The following LRIG1 variants were observed in gnomAD, a reference collection of about 807,000 sequenced individuals.
The protein encoded by LRIG1 is leucine rich repeats and immunoglobulin like domains 1.
A neutral mutation model predicts 99.2 loss-of-function variants in LRIG1; 48 were observed. The ratio of observed to expected loss-of-function variants is 0.48; its 90% CI spans 0.38 to 0.62. LRIG1 has a LOEUF of 0.62. Ranked by LOEUF, LRIG1 falls within the 20% of genes least tolerant of loss-of-function variation. LRIG1 has a pLI of 0.00. For synonymous variants in LRIG1, 772 were observed against 596.1 expected, an observed-to-expected ratio of 1.29 and a Z score of -4.30; for missense variants, 1,646 against 1,434.4, an observed-to-expected ratio of 1.15 and a Z score of -2.38.
chr3:66,479,565 T>A (rs924695783), intron 1 of LRIG1, among the ~76,000 whole-genome samples: 3 of 152,160 alleles, frequency 2.0e-5, no homozygotes, highest in African/African-American at 7.2e-5. Context: ...AATTGTACTT[T>A]CTAAACATGC....
At chr3:66,398,089 A>C (rs368151841) in intron 11 of LRIG1, 23 bp downstream of exon 11, 14 of 1,590,836 alleles carry the variant, frequency 8.8e-6, no homozygotes, top group Non-Finnish European at 7.8e-6. Flanking sequence ...CATTAATCAG[A>C]CCCAGGGAAT....
At chr3:66,384,931 T>C (rs1236233538) in intron 13 of LRIG1, among the ~76,000 whole-genome samples, 1 of 152,112 alleles carries the variant, frequency 6.6e-6, no homozygotes, top group Non-Finnish European at 1.5e-5. Flanking sequence ...GCTGAGTCTT[T>C]CGGAAGCTGT....
At chr3:66,388,325 C>CA in intron 12 of LRIG1, among the ~76,000 whole-genome samples, 1 of 150,514 alleles carries the variant, frequency 6.6e-6, no homozygotes, top group African/African-American at 2.4e-5. Flanking sequence ...GTCTGAGAAA[C>CA]AAAGAAAAAA....
chr3:66,383,082 G>A lies in LRIG1; in HGVS notation c.2391C>T (p.Thr797=), dbSNP rs1168577661. 1 of 1,614,130 alleles carries A rather than the reference G, an allele frequency of 6.2e-7. No individual in the cohort carries two copies. Among genetic ancestry groups the A allele is most frequent in the East Asian group, 2.2e-5 (1 of 44,890 alleles). ...GGACGATGCTGCTCACGACAGCAAT[G>A]GTGAAGATGCCTACCGTGGTCCCAT... The part of the protein sequence containing the change: ...RKDGTTVGIF[T]IAVVSSIVLT... The change falls in exon 15 of 19, where the codon ACC becomes ACT. Residue 797 remains threonine, a synonymous_variant. Coordinates refer to ENST00000273261, the MANE Select transcript of LRIG1 (RefSeq NM_015541.3).
At position 66,380,161 on chromosome 3, in the gene LRIG1, C is replaced by G. The variant is rs953452340; in HGVS notation, c.*102G>C. 2 of 896,254 alleles carry G rather than the reference C, an allele frequency of 2.2e-6. No individual in the cohort carries two copies. Among genetic ancestry groups the G allele is most frequent in the Admixed American group, 2.7e-5 (1 of 37,176 alleles). 55.5% of individuals were successfully genotyped at this position (896,254 alleles called of 1,614,324 possible). On this transcript the variant is annotated 3_prime_UTR_variant, in exon 19 of 19. Transcript: ENST00000273261. ...CTGATACTCCACATGGGAGTTACAA[C>G]TATGTACAGATGAGTGACGCTTGAA...
At chr3:66,434,767 A>C (rs550530344) in intron 3 of LRIG1, among the ~76,000 whole-genome samples, 27 of 151,692 alleles carry the variant, frequency 1.8e-4, no homozygotes, top group Admixed American at 1.4e-3. Flanking sequence ...AAAAAAAAAA[A>C]AAAAAAACAC....
intron 1 of LRIG1, among the ~76,000 whole-genome samples, chr3:66,474,565 T>G (rs1700675578): frequency 6.6e-6 from 1 of 152,096 alleles, no homozygotes; most frequent in Non-Finnish European, 1.5e-5. Flanking sequence ...AGGCTGGTCT[T>G]GAACTCCTGA....
chr3:66,461,626 T>C lies in LRIG1; in HGVS notation c.290+812A>G, dbSNP rs370274764. Among the ~76,000 whole-genome samples the C allele has an allele frequency of 2.8e-4, 42 of 152,348 alleles. No individual in the cohort carries two copies. The South Asian group carries it at 8.7e-3, about 32-fold the overall frequency. ...ACTAGGTGTTCACAATGGGTATGCC[T>C]GGGTGAGAATACTGGTGATTTTCAT... On this transcript the variant is annotated intron_variant, in intron 2 of 18. Transcript: ENST00000273261.
intron 3 of LRIG1, among the ~76,000 whole-genome samples, chr3:66,417,796 GAAA>G (rs56184898): frequency 6.2e-4 from 83 of 134,484 alleles, no homozygotes; most frequent in African/African-American, 1.7e-3. Context: ...AAAAGAAAAA[GAAA>G]AAAAAAAAAA....
Position 66,380,267 on chromosome 3 carries a change from CT to C in LRIG1, c.3277del (p.Ser1093AlafsTer55). On this transcript the variant is annotated frameshift_variant, in exon 19 of 19. Coordinates refer to ENST00000273261, the MANE Select transcript of LRIG1 (RefSeq NM_015541.3). LOFTEE classifies it high-confidence loss of function. ...QRVPLLLAPK[S>X] ...AAGAACTGAGGTAGACAAAACCTAGCTTTTTGGTGCCAACAGCAGTGGCACC... is the reference window on the plus strand; with the variant it reads ...AAGAACTGAGGTAGACAAAACCTAGCTTTTGGTGCCAACAGCAGTGGCACC... 6.2e-7 allele frequency: 1 copy of C among 1,610,014 alleles called. No individual in the cohort carries two copies. Among genetic ancestry groups the C allele is most frequent in the Non-Finnish European group, 8.5e-7 (1 of 1,177,410 alleles).
chr3:66,383,514 T>C, intron 14 of LRIG1, 113 bp from the exon 15 acceptor site: 1 of 954,078 alleles, frequency 1.0e-6, no homozygotes, highest in Non-Finnish European at 1.5e-6. Flanking sequence ...CATCTGAGAT[T>C]CTGTCTCAGA....
intron 2 of LRIG1, among the ~76,000 whole-genome samples, chr3:66,452,939 G>A (rs1703954112): frequency 6.6e-6 from 1 of 152,082 alleles, no homozygotes; most frequent in Non-Finnish European, 1.5e-5. Flanking sequence ...CCACTTAAAG[G>A]GCCCTTGTTT....
intron 1 of LRIG1, among the ~76,000 whole-genome samples, chr3:66,488,012 A>T (rs780160576): frequency 1.3e-5 from 2 of 149,816 alleles, no homozygotes; most frequent in Non-Finnish European, 3.0e-5. Flanking sequence ...CAATAATAAA[A>T]ATAAAAATAA....
chr3:66,389,369 G>C (rs1317156509), intron 12 of LRIG1, among the ~76,000 whole-genome samples: 1 of 152,070 alleles, frequency 6.6e-6, no homozygotes, highest in Non-Finnish European at 1.5e-5. Context: ...TACCTTATTA[G>C]TAAATGCATT....
intron 1 of LRIG1, chr3:66,469,050 A>C (rs1412529519): frequency 6.6e-6 from 1 of 152,192 alleles, no homozygotes; most frequent in Non-Finnish European, 1.5e-5. Context: ...CGGATAATGC[A>C]CATTAAAGGC....
intron 3 of LRIG1, among the ~76,000 whole-genome samples, chr3:66,431,993 ACTGC>A: frequency 1.3e-5 from 2 of 152,350 alleles, no homozygotes; most frequent in Admixed American, 1.3e-4. Context: ...CATTTTGCAT[ACTGC>A]CTGTCAATTA....
At chr3:66,458,553 T>G (rs528046322) in intron 2 of LRIG1, among the ~76,000 whole-genome samples, 1 of 151,626 alleles carries the variant, frequency 6.6e-6, no homozygotes, top group South Asian at 2.1e-4. Context: ...AATACAAAAA[T>G]TAGCTGGGCG....
chr3:66,425,700 G>A (rs1441382000), intron 3 of LRIG1, among the ~76,000 whole-genome samples: 4 of 152,160 alleles, frequency 2.6e-5, no homozygotes, highest in Non-Finnish European at 5.9e-5. Flanking sequence ...CACTTATGGG[G>A]ACCGGGGGAA....
intron 3 of LRIG1, among the ~76,000 whole-genome samples, chr3:66,446,444 C>T (rs1184526799): frequency 1.5e-5 from 2 of 136,464 alleles, no homozygotes; most frequent in Non-Finnish European, 1.5e-5. Context: ...TTGTTCTTCT[C>T]TCCCAGGCTA....
Sources: allele counts gnomAD v4.1 joint callset (sites outside exome capture counted in the v4.1 genomes callset), GRCh38; gene constraint gnomAD v4.1.1; transcripts MANE v1.5; gene names NCBI Gene and HGNC (gene_info 2026-07-23, HGNC 2026-07-21).